The following ZFP62 variants were observed in gnomAD, a reference collection of about 807,000 sequenced individuals.
The protein encoded by ZFP62 is zinc finger protein 62 homolog.
ZFP62 carries 44 observed loss-of-function variants against 56.4 expected under a neutral mutation model. That is an observed-to-expected ratio of 0.78 (90% CI 0.61 to 1.00). ZFP62 has a LOEUF of 1.00. ZFP62 is among the 50% of genes least tolerant of loss of function. The probability of loss-of-function intolerance (pLI) is 0.00; values close to 1 mark genes in which losing one functional copy is unlikely to be tolerated. For synonymous variants in ZFP62, 421 were observed against 388.9 expected (o/e 1.08, Z -0.97); for missense variants, 1,030 against 1,085.7 (o/e 0.95, Z 0.72).
In ZFP62 at chr5:180,847,905, C is replaced by T. The variant is rs1314503302; in HGVS notation, c.*887G>A. 2 of 985,268 alleles carry T rather than the reference C, an allele frequency of 2.0e-6. No individual in the cohort carries two copies. The highest frequency in any genetic ancestry group is 1.1e-4 in the East Asian group (1 of 8,822). The allele number at this position is 985,268 out of a possible 1,614,324, so 61.0% of individuals were successfully genotyped here. On this transcript the variant is annotated 3_prime_UTR_variant, in exon 2 of 2. Coordinates refer to ENST00000502412, the MANE Select transcript of ZFP62 (RefSeq NM_001172638.2). ...TCAGCATTTCTATTCATAGGAATCC[C>T]TGAATCACTTCTGTCATGTAAGGTG...
At chr5:180,853,428 G>A (rs917208057) in intron 1 of ZFP62, among the ~76,000 whole-genome samples, 1 of 152,226 alleles carries the variant, frequency 6.6e-6, no homozygotes, top group Non-Finnish European at 1.5e-5. Context: ...ACCTACAAGG[G>A]AGGAGTGTGG....
At chr5:180,846,615 CCT>C (rs1160922), downstream of ZFP62, among the ~76,000 whole-genome samples, 14 of 152,154 alleles carry the variant, frequency 9.2e-5, no homozygotes, top group African/African-American at 3.4e-4. Context: ...AGTTCCTACT[CCT>C]CTCAGAAAAC....
At chr5:180,829,825 C>T in the ZFP62 span, 1 of 152,726 alleles carries the variant, frequency 6.5e-6, no homozygotes, top group Non-Finnish European at 1.5e-5. Context: ...CCAAGGAAAG[C>T]CTGGGGTGGG....
the ZFP62 span, among the ~76,000 whole-genome samples, chr5:180,838,975 T>C: frequency 1.3e-5 from 2 of 152,222 alleles, no homozygotes; most frequent in African/African-American, 2.4e-5. Flanking sequence ...ACTGCAACAC[T>C]GTTGATACTA....
chr5:180,828,894 A>G, the ZFP62 span, among the ~76,000 whole-genome samples: 1 of 152,192 alleles, frequency 6.6e-6, no homozygotes, highest in Admixed American at 6.5e-5. Context: ...AGACCCTGGG[A>G]AAGGAATGCA....
Position 180,849,251 on chromosome 5 carries a change from C to A in ZFP62, c.2244G>T (p.Lys748Asn). ...AGGGTTTCTCCCCTGTGTGGATCCT[C>A]TTGTGCTGAGAAAGGAGAGAGCTGT... is the stretch of plus-strand genomic sequence containing the variant. Reference protein sequence around the residue: ...FSYSSLLSQHKRIHTGEKPYV... With the variant: ...FSYSSLLSQHNRIHTGEKPYV... The change falls in exon 2 of 2, where the codon AAG becomes AAT. Residue 748 changes from lysine (K) to asparagine (N), a missense_variant. By Grantham distance (94) the Lys-to-Asn change is moderately conservative. Coordinates refer to ENST00000502412, the MANE Select transcript of ZFP62 (RefSeq NM_001172638.2). 6.4e-7 allele frequency: 1 copy of A among 1,556,288 alleles called. No individual in the cohort carries two copies. Among genetic ancestry groups the A allele is most frequent in the East Asian group, 2.4e-5 (1 of 41,180 alleles).
At chr5:180,859,119 G>A (rs563122779) in intron 1 of ZFP62, among the ~76,000 whole-genome samples, 4 of 152,190 alleles carry the variant, frequency 2.6e-5, no homozygotes, top group South Asian at 4.2e-4. Flanking sequence ...GAGAGGAGCC[G>A]TGGCCTGCTC....
chr5:180,828,699 A>C, the ZFP62 span, among the ~76,000 whole-genome samples: 1 of 152,322 alleles, frequency 6.6e-6, no homozygotes, highest in East Asian at 1.9e-4. Flanking sequence ...AAATCAGTGC[A>C]CCTTGAAAAA....
At position 180,856,634 on chromosome 5, in the gene ZFP62, C is replaced by T. The variant is rs539926490; in HGVS notation, c.1+4585G>A. On this transcript the variant is annotated intron_variant, in intron 1 of 1. Coordinates refer to ENST00000502412, the MANE Select transcript of ZFP62 (RefSeq NM_001172638.2). Reference sequence around the variant, plus strand: ...GGTGCCTGCAGACTAGTAGGAGAGTCTGGTAGGAAAATAACCATATGATAA... The same window carrying T: ...GGTGCCTGCAGACTAGTAGGAGAGTTTGGTAGGAAAATAACCATATGATAA... 7.2e-5 allele frequency among the ~76,000 whole-genome samples: 11 copies of T among 152,178 alleles called. No homozygotes were observed. The South Asian group carries it at 2.3e-3, about 32-fold the overall frequency.
intron 1 of ZFP62, among the ~76,000 whole-genome samples, chr5:180,859,276 G>T: frequency 6.6e-6 from 1 of 152,300 alleles, no homozygotes; most frequent in South Asian, 2.1e-4. Flanking sequence ...TACTGTCTTT[G>T]ATTTGGAGAT....
At chr5:180,842,834 G>GAGTTCA (rs1773342767), downstream of ZFP62, among the ~76,000 whole-genome samples, 1 of 152,078 alleles carries the variant, frequency 6.6e-6, no homozygotes, top group African/African-American at 2.4e-5. Flanking sequence ...CTGAGGTCAG[G>GAGTTCA]AGTTCAAGAC....
chr5:180,858,630 C>T (rs1213276791), intron 1 of ZFP62, among the ~76,000 whole-genome samples: 1 of 152,052 alleles, frequency 6.6e-6, no homozygotes, highest in African/African-American at 2.4e-5. Flanking sequence ...AGATCACTCA[C>T]ACTAGTTGCA....
chr5:180,839,871 A>C, the ZFP62 span, among the ~76,000 whole-genome samples: 2 of 152,200 alleles, frequency 1.3e-5, no homozygotes, highest in Admixed American at 6.5e-5. Flanking sequence ...ACAGCTTCAC[A>C]GTGATGTGCT....
At chr5:180,852,592 T>A (rs1165339595) in intron 1 of ZFP62, among the ~76,000 whole-genome samples, 4 of 151,282 alleles carry the variant, frequency 2.6e-5, no homozygotes, top group Non-Finnish European at 4.4e-5. Context: ...TAGATCCCAT[T>A]CTTCACACCA....
chr5:180,828,952 A>G, the ZFP62 span, among the ~76,000 whole-genome samples: 1 of 152,176 alleles, frequency 6.6e-6, no homozygotes, highest in Non-Finnish European at 1.5e-5. Context: ...TGTCTGTCCT[A>G]TGCGGTAGCG....
At chr5:180,840,789 TTGTGTGTGTGTGTGTGTGTG>T in the ZFP62 span, among the ~76,000 whole-genome samples, 3 of 146,562 alleles carry the variant, frequency 2.0e-5, no homozygotes, top group Non-Finnish European at 3.0e-5. Flanking sequence ...CTAAAACAAT[TTGTGTGTGTGTGTGTGTGTG>T]TGTGTGTGTG....
downstream of ZFP62, among the ~76,000 whole-genome samples, chr5:180,846,314 CTCCTT>C (rs558754997): frequency 2.6e-5 from 4 of 152,326 alleles, no homozygotes; most frequent in African/African-American, 7.2e-5. Context: ...TGGCCATCCT[CTCCTT>C]TGTTATTTAG....
chr5:180,848,451 T>C lies in ZFP62; in HGVS notation c.*341A>G, dbSNP rs1388269513. 1 of 1,029,558 alleles carries C rather than the reference T, an allele frequency of 9.7e-7. No homozygotes were observed. The highest frequency in any genetic ancestry group is 1.2e-6 in the Non-Finnish European group (1 of 858,696). 63.8% of individuals were successfully genotyped at this position (1,029,558 alleles called of 1,614,324 possible). A position where few individuals can be genotyped will look rare whatever the true frequency, so the allele number is the denominator to read the frequency against. Reference sequence around the variant, plus strand: ...CAGAATTTACCAAACATGAACTTTCTGATGGTGATTACGTAACTTCTAATT... The same window carrying C: ...CAGAATTTACCAAACATGAACTTTCCGATGGTGATTACGTAACTTCTAATT... On this transcript the variant is annotated 3_prime_UTR_variant, in exon 2 of 2. Transcript: ENST00000502412.
rs1260997653 is a variant in ZFP62, at chr5:180,850,119, C to T, written c.1376G>A (p.Arg459Lys). Residue 459 changes from arginine to lysine, a missense_variant, in exon 2 of 2, where the codon AGA becomes AAA. Arg to Lys is a conservative substitution (Grantham distance 26). Coordinates refer to ENST00000502412, the MANE Select transcript of ZFP62 (RefSeq NM_001172638.2). The stretch of plus-strand genomic sequence containing the variant: ...GTGGACTTTGAGGCCTGCATTGTTT[C>T]TGAACGTTTTCCCACACACATCACA... Reference protein sequence around the residue: ...YVCDVCGKTFRNNAGLKVHRR... With the variant: ...YVCDVCGKTFKNNAGLKVHRR... 2 of 1,551,538 alleles carry T rather than the reference C, an allele frequency of 1.3e-6. No individual in the cohort carries two copies. The highest frequency in any genetic ancestry group is 1.7e-6 in the Non-Finnish European group (2 of 1,147,018).
Sources: gnomAD v4.1 joint callset for allele counts (sites outside exome capture counted in the v4.1 genomes callset) on GRCh38, gnomAD v4.1.1 for gene constraint, MANE v1.5 for transcripts, NCBI Gene and HGNC (gene_info 2026-07-23, HGNC 2026-07-21) for gene names.